The following ASXL3 variants were observed in gnomAD, a reference collection of about 807,000 sequenced individuals.
ASXL3 encodes the protein putative Polycomb group protein ASXL3.
Under a neutral mutation model 170.6 loss-of-function variants are expected in ASXL3, and 34 were observed. That is an observed-to-expected ratio of 0.20 (90% confidence interval 0.15 to 0.27). ASXL3 has a LOEUF of 0.27. Among genes scored for constraint, ASXL3 ranks in the 10% least tolerant of loss-of-function variants. ASXL3 has a pLI of 1.00. For missense variants in ASXL3, 2,592 were observed against 2,695.3 expected (o/e 0.96, Z 0.85); for synonymous variants, 1,002 against 989.1 (o/e 1.01, Z -0.24).
chr18:33,677,298 A>G (rs2066444594), intron 7 of ASXL3, among the ~76,000 whole-genome samples: 1 of 152,202 alleles, frequency 6.6e-6, no homozygotes. Context: ...TTTTCATACA[A>G]AATAATTATC....
In ASXL3 at chr18:33,671,822, A is replaced by G. The variant is rs746505164; in HGVS notation, c.671A>G (p.Lys224Arg). 3.1e-6 allele frequency: 5 copies of G among 1,611,596 alleles called. No individual in the cohort carries two copies. In the South Asian group the frequency reaches 5.5e-5, roughly 18 times the overall value. The change falls in exon 7 of 12, where the codon AAA (lysine) becomes AGA (arginine). Residue 224 changes from lysine to arginine, a missense_variant. Transcript: ENST00000269197. ...CATGGGCAAAAATCTCCCACTGGAAAACAAACAAGTCAGCACTTAAAACGA... is the reference window on the plus strand; with the variant it reads ...CATGGGCAAAAATCTCCCACTGGAAGACAAACAAGTCAGCACTTAAAACGA... ...MKHGQKSPTG[K>R]QTSQHLKRLK... is the part of the protein sequence containing the mutation.
chr18:33,684,489 T>C (rs189067446), intron 8 of ASXL3, among the ~76,000 whole-genome samples: 12 of 152,306 alleles, frequency 7.9e-5, no homozygotes, highest in Non-Finnish European at 1.5e-4. Context: ...TATTTAAATA[T>C]GATAAGCAAC....
intron 1 of ASXL3, among the ~76,000 whole-genome samples, chr18:33,587,222 TA>T (rs1319587250): frequency 1.3e-4 from 20 of 152,340 alleles, no homozygotes; most frequent in African/African-American, 4.1e-4. Context: ...TTGAATTTTC[TA>T]ATCATATGCA....
At chr18:33,679,751 A>G (rs1266340184) in intron 7 of ASXL3, among the ~76,000 whole-genome samples, 3 of 152,050 alleles carry the variant, frequency 2.0e-5, no homozygotes, top group Admixed American at 1.3e-4. Context: ...GAAATGTATA[A>G]AGCTTAAAAT....
chr18:33,671,311 T>C (rs546957596), intron 6 of ASXL3, among the ~76,000 whole-genome samples: 49 of 152,310 alleles, frequency 3.2e-4, no homozygotes, highest in African/African-American at 1.1e-3. Flanking sequence ...CTATTTATTG[T>C]GGATTAACGT....
intron 1 of ASXL3, among the ~76,000 whole-genome samples, chr18:33,596,326 G>A (rs2065126395): frequency 6.6e-6 from 1 of 152,034 alleles, no homozygotes; most frequent in Non-Finnish European, 1.5e-5. Flanking sequence ...TCCAGCAATG[G>A]TAATGGCAAA....
At position 33,745,958 on chromosome 18, in the gene ASXL3, C is replaced by A. The variant is rs770483501; in HGVS notation, c.6110C>A (p.Pro2037Gln). Residue 2037 changes from proline to glutamine, a missense_variant, in exon 12 of 12, where the codon CCA becomes CAA. Around this residue, in one of 4 missense-constraint regions of ASXL3, gnomAD observed 2,246 missense variants for 2,219.6 expected, o/e 1.01. Transcript: ENST00000269197. ...PPLALPPPPPPPPPLPPPLPN... is the reference protein window; with the variant it reads ...PPLALPPPPPQPPPLPPPLPN... ...TTGGCTTTGCCCCCGCCTCCCCCCC[C>A]ACCACCTCCGCTACCTCCACCTCTC... is the stretch of plus-strand genomic sequence containing the variant. 29 of 1,544,938 alleles carry A rather than the reference C, an allele frequency of 1.9e-5. 1 individual carries two copies. Among genetic ancestry groups the A allele is most frequent in the African/African-American group, 8.3e-5 (6 of 72,078 alleles).
At chr18:33,618,733 G>A (rs1201947870) in intron 2 of ASXL3, among the ~76,000 whole-genome samples, 1 of 151,980 alleles carries the variant, frequency 6.6e-6, no homozygotes, top group African/African-American at 2.4e-5. Context: ...AGGTCTTTCA[G>A]CCTCTTCTCT....
chr18:33,634,040 T>C (rs1008766537), intron 2 of ASXL3, among the ~76,000 whole-genome samples: 2 of 152,104 alleles, frequency 1.3e-5, no homozygotes, highest in African/African-American at 4.8e-5. Flanking sequence ...GAAATCATGG[T>C]TGACATTTAA....
At chr18:33,634,056 A>G (rs2065728997) in intron 2 of ASXL3, among the ~76,000 whole-genome samples, 1 of 152,154 alleles carries the variant, frequency 6.6e-6, no homozygotes, top group Admixed American at 6.5e-5. Flanking sequence ...TTTAATAGTT[A>G]TTCATTCTGA....
chr18:33,677,433 AAAAGT>A (rs1390935980), intron 7 of ASXL3, among the ~76,000 whole-genome samples: 2 of 152,206 alleles, frequency 1.3e-5, no homozygotes, highest in Non-Finnish European at 2.9e-5. Context: ...GATTAAATAA[AAAAGT>A]AAAACTAAAA....
intron 4 of ASXL3, among the ~76,000 whole-genome samples, chr18:33,649,064 G>A (rs187321404): frequency 6.6e-6 from 1 of 152,166 alleles, no homozygotes; most frequent in Admixed American, 6.5e-5. Flanking sequence ...TTGAGGTCAG[G>A]GGAAGGAGTG....
intron 2 of ASXL3, among the ~76,000 whole-genome samples, chr18:33,621,296 A>G (rs2065508745): frequency 6.6e-6 from 1 of 152,166 alleles, no homozygotes. Flanking sequence ...AATGTACAAA[A>G]GTATATTCAA....
chr18:33,581,243 A>G (rs2064989403), intron 1 of ASXL3, among the ~76,000 whole-genome samples: 1 of 152,176 alleles, frequency 6.6e-6, no homozygotes, highest in Non-Finnish European at 1.5e-5. Context: ...ATATTACACA[A>G]TGCTTCTGAT....
chr18:33,644,816 G>A (rs1371524216), intron 2 of ASXL3, 78 bp from the exon 3 acceptor site: 41 of 837,582 alleles, frequency 4.9e-5, no homozygotes, highest in South Asian at 3.0e-4. Flanking sequence ...AAGAGAGAGC[G>A]AGCGAGACTC....
At chr18:33,662,904 T>C (rs140718131) in intron 5 of ASXL3, among the ~76,000 whole-genome samples, 1 of 152,336 alleles carries the variant, frequency 6.6e-6, no homozygotes, top group East Asian at 1.9e-4. Flanking sequence ...CATCTCTACC[T>C]ATCTTCTCCT....
chr18:33,589,883 CTG>C (rs1169102437), intron 1 of ASXL3, among the ~76,000 whole-genome samples: 1 of 152,026 alleles, frequency 6.6e-6, no homozygotes, highest in Non-Finnish European at 1.5e-5. Context: ...TTGCTTAATC[CTG>C]TGAGTAAGCT....
rs528140082 is a variant in ASXL3, at chr18:33,707,145, C to T, written c.879+23577C>T. On this transcript the variant is annotated intron_variant, in intron 8 of 11. Transcript: ENST00000269197. ...CCAAAACCATGTTATCTTGATTATT[C>T]GTAGCTTGATATCTTGTAGAGGTAG... Among the ~76,000 whole-genome samples, 91 of 151,922 alleles carry T rather than the reference C, an allele frequency of 6.0e-4. 1 individual carries two copies. The highest frequency in any genetic ancestry group is 1.1e-3 in the African/African-American group (44 of 41,526).
chr18:33,639,290 G>T, intron 2 of ASXL3, among the ~76,000 whole-genome samples: 1 of 152,130 alleles, frequency 6.6e-6, no homozygotes, highest in South Asian at 2.1e-4. Context: ...GTGACCTAGA[G>T]AAGTCCAATG....
Sources: gnomAD v4.1 joint callset for allele counts (sites outside exome capture counted in the v4.1 genomes callset) on GRCh38, gnomAD v4.1.1 for gene constraint, gnomAD v4.1.1 regional missense constraint, MANE v1.5 for transcripts, NCBI Gene and HGNC (gene_info 2026-07-23, HGNC 2026-07-21) for gene names.